The following HIVEP2 variants were observed in gnomAD, a reference collection of about 807,000 sequenced individuals.
The protein encoded by HIVEP2 is HIVEP zinc finger 2, also known as transcription factor HIVEP2.
Under a neutral mutation model 180.7 loss-of-function variants are expected in HIVEP2, and 14 were observed. The ratio of observed to expected loss-of-function variants is 0.08; its 90% CI spans 0.05 to 0.12. HIVEP2 has a LOEUF of 0.12. Among genes scored for constraint, HIVEP2 ranks in the 10% least tolerant of loss-of-function variants. The probability of loss-of-function intolerance (pLI) is 1.00; values close to 1 mark genes in which losing one functional copy is unlikely to be tolerated. For missense variants in HIVEP2, 2,579 were observed against 3,008.5 expected (o/e 0.86, Z 3.34); for synonymous variants, 1,184 against 1,136.4 (o/e 1.04, Z -0.84).
intron 2 of HIVEP2, among the ~76,000 whole-genome samples, chr6:142,806,374 C>A (rs1582876230): frequency 1.3e-5 from 2 of 152,184 alleles, no homozygotes; most frequent in African/African-American, 4.8e-5. Flanking sequence ...ATTCTTTATT[C>A]CTTTACTTCT....
intron 1 of HIVEP2, among the ~76,000 whole-genome samples, chr6:142,930,522 A>G (rs533954337): frequency 1.2e-4 from 19 of 152,332 alleles, no homozygotes; most frequent in African/African-American, 4.6e-4. Context: ...AGCCCCTGTA[A>G]CTGAGACAGT....
intron 1 of HIVEP2, among the ~76,000 whole-genome samples, chr6:142,896,301 G>A (rs1328107932): frequency 6.6e-6 from 1 of 152,050 alleles, no homozygotes; most frequent in African/African-American, 2.4e-5. Flanking sequence ...CCTGCTCTGG[G>A]TTTCTTTCAC....
chr6:142,910,173 T>A (rs548664190), intron 1 of HIVEP2, among the ~76,000 whole-genome samples: 1 of 152,348 alleles, frequency 6.6e-6, no homozygotes, highest in African/African-American at 2.4e-5. Context: ...TTTGATAAAA[T>A]CATTTCATGC....
At chr6:142,848,833 G>T (rs1022394822) in intron 1 of HIVEP2, among the ~76,000 whole-genome samples, 4 of 152,096 alleles carry the variant, frequency 2.6e-5, no homozygotes, top group African/African-American at 9.7e-5. Context: ...TCCATGAACT[G>T]ATCTCTATTT....
At chr6:142,893,867 C>T (rs1776919662) in intron 1 of HIVEP2, among the ~76,000 whole-genome samples, 1 of 152,200 alleles carries the variant, frequency 6.6e-6, no homozygotes, top group Non-Finnish European at 1.5e-5. Context: ...TCTCTGTAAA[C>T]CTATTTAAAA....
rs1778234788 is a variant in HIVEP2 at position 142,943,813 on chromosome 6, TC to T, written c.-641+1285del. 6.6e-6 allele frequency among the ~76,000 whole-genome samples: 1 copy of T among 152,184 alleles called. No individual in the cohort carries two copies. The highest frequency in any genetic ancestry group is 1.5e-5 in the Non-Finnish European group (1 of 68,026). On this transcript the variant is annotated intron_variant, in intron 1 of 9. Coordinates refer to ENST00000367603, the MANE Select transcript of HIVEP2 (RefSeq NM_006734.4). This position sits in a 1 kb window ranked among gnomAD's most constrained non-coding sequence, Gnocchi z 4.5. ...TGCAATGTCAGTTGCACACACAACT[TC>T]CTGTGTGAATGCTAAGCCATTACAG...
intron 1 of HIVEP2, among the ~76,000 whole-genome samples, chr6:142,851,386 C>G (rs1002310383): frequency 6.6e-6 from 1 of 152,068 alleles, no homozygotes; most frequent in African/African-American, 2.4e-5. Context: ...ATGATTTCCA[C>G]AAAGAGGAAT....
intron 2 of HIVEP2, among the ~76,000 whole-genome samples, chr6:142,833,511 A>C (rs574991525): frequency 6.6e-6 from 1 of 152,328 alleles, no homozygotes; most frequent in South Asian, 2.1e-4. Context: ...AGGGTTTCAG[A>C]TGGCTGCAGC....
At chr6:142,787,192 G>A (rs1239391874) in intron 2 of HIVEP2, among the ~76,000 whole-genome samples, 4 of 152,062 alleles carry the variant, frequency 2.6e-5, no homozygotes, top group African/African-American at 2.4e-5. Flanking sequence ...GGAGTTTGGC[G>A]CTGCAGTGAG....
At position 142,818,773 on chromosome 6, in the gene HIVEP2, GAAAGAAAGAAAGAAAGAAAAAGA is replaced by G. The variant is rs1776937674; in HGVS notation, c.-528+18139_-528+18161del. 2.3e-5 allele frequency among the ~76,000 whole-genome samples: 3 copies of G among 128,074 alleles called. No homozygotes were observed. In the South Asian group the frequency reaches 7.5e-4, roughly 32 times the overall value. The allele number at this position is 128,074 out of a possible 152,430, so 84.0% of individuals were successfully genotyped here. A position where few individuals can be genotyped will look rare whatever the true frequency, so the allele number is the denominator to read the frequency against. Reference sequence around the variant, plus strand: ...AGAAAGAAAGAAAGAAAGAAAGAAAGAAAGAAAGAAAGAAAGAAAAAGAAAAGAAAAAGAAAAGAAAAAAAAAG... The same window carrying G: ...AGAAAGAAAGAAAGAAAGAAAGAAAGAAAGAAAAAGAAAAGAAAAAAAAAG... On this transcript the variant is annotated intron_variant, in intron 2 of 9. Coordinates refer to ENST00000367603, the MANE Select transcript of HIVEP2 (RefSeq NM_006734.4).
chr6:142,770,429 C>T lies in HIVEP2; in HGVS notation c.4310G>A (p.Gly1437Asp). The T allele has an allele frequency of 6.2e-7, 1 of 1,614,142 alleles. No individual in the cohort carries two copies. The highest frequency in any genetic ancestry group is 8.5e-7 in the Non-Finnish European group (1 of 1,180,020). Residue 1437 changes from glycine (G) to aspartate (D), a missense_variant, in exon 5 of 10, where the codon GGT becomes GAT. By Grantham distance (94) the Gly-to-Asp change is moderately conservative. This residue lies in a region of HIVEP2 where 29 missense variants were observed against 64.7 expected (regional missense o/e 0.45). Transcript: ENST00000367603. This position sits in a 1 kb window ranked among gnomAD's most constrained non-coding sequence, Gnocchi z 4.7. ...GGCTGGAGAAAGCATTCGCTTGCTA[C>T]CTCCCAGGGTGGCCACGCTGTCAGA... ...STSDSVATLG[G>D]SKRMLSPASS...
chr6:142,910,577 GGT>G (rs1479968622), intron 1 of HIVEP2, among the ~76,000 whole-genome samples: 2 of 152,204 alleles, frequency 1.3e-5, no homozygotes, highest in East Asian at 3.8e-4. Flanking sequence ...AATCCAGCCT[GGT>G]GACACAGCGA....
chr6:142,891,244 G>A (rs116971616), intron 1 of HIVEP2, among the ~76,000 whole-genome samples: 130 of 152,094 alleles, frequency 8.5e-4, no homozygotes, highest in Non-Finnish European at 1.5e-3. Context: ...TTAATAACTC[G>A]AAGTCTAGAA....
rs1341342061 is a variant in HIVEP2, at chr6:142,773,604, G to C, written c.1135C>G (p.Gln379Glu). The C allele has an allele frequency of 6.2e-7, 1 of 1,614,032 alleles. No individual in the cohort carries two copies. The highest frequency in any genetic ancestry group is 8.5e-7 in the Non-Finnish European group (1 of 1,180,036). Residue 379 changes from glutamine (Q) to glutamate (E), a missense_variant, in exon 5 of 10, where the codon CAA (glutamine) becomes GAA (glutamate). Physicochemically the swap from Gln to Glu is conservative, Grantham distance 29 (BLOSUM62 2). Around this residue, in one of 11 missense-constraint regions of HIVEP2, gnomAD observed 47 missense variants for 92.5 expected, o/e 0.51. Transcript: ENST00000367603. ...AGGTTGAGCGATGGCTCAGAATCTTGTCCTTTTTTCTCTGACAGTCTTAGT... is the reference window on the plus strand; with the variant it reads ...AGGTTGAGCGATGGCTCAGAATCTTCTCCTTTTTTCTCTGACAGTCTTAGT... ...LALRLSEKKG[Q>E]DSEPSLNLLS... is the part of the protein sequence containing the mutation.
intron 9 of HIVEP2, among the ~76,000 whole-genome samples, chr6:142,757,649 T>A (rs1032514420): frequency 6.6e-6 from 1 of 151,912 alleles, no homozygotes; most frequent in African/African-American, 2.4e-5. Flanking sequence ...AGAGCGAGAC[T>A]CCATCTCAAA....
intron 6 of HIVEP2, among the ~76,000 whole-genome samples, chr6:142,766,236 T>C: frequency 6.6e-6 from 1 of 152,240 alleles, no homozygotes; most frequent in East Asian, 1.9e-4. Context: ...CGTTATCTAC[T>C]TTTTGGTCAG....
chr6:142,825,701 G>A (rs1774876241), intron 2 of HIVEP2, among the ~76,000 whole-genome samples: 1 of 152,024 alleles, frequency 6.6e-6, no homozygotes, highest in Non-Finnish European at 1.5e-5. Flanking sequence ...ATTCTCTAAG[G>A]CATCTCAGAG....
chr6:142,894,455 G>C (rs1219223684), intron 1 of HIVEP2, among the ~76,000 whole-genome samples: 1 of 152,088 alleles, frequency 6.6e-6, no homozygotes, highest in Non-Finnish European at 1.5e-5. Context: ...TTATAGCCTG[G>C]AGTACCTTAT....
intron 1 of HIVEP2, among the ~76,000 whole-genome samples, chr6:142,844,050 A>G (rs1030937074): frequency 1.3e-5 from 2 of 151,940 alleles, no homozygotes; most frequent in Non-Finnish European, 2.9e-5. Flanking sequence ...CCCACACAAC[A>G]CCCTCAACTC....
Sources: allele counts gnomAD v4.1 joint callset (sites outside exome capture counted in the v4.1 genomes callset), GRCh38; gene constraint gnomAD v4.1.1; regional missense constraint gnomAD v4.1.1; non-coding constraint Gnocchi (gnomAD v3.1); transcripts MANE v1.5; gene names NCBI Gene and HGNC (gene_info 2026-07-23, HGNC 2026-07-21).